LDB2: variants seen among roughly 807,000 people sequenced by gnomAD.
LDB2 encodes the protein LIM domain-binding protein 2.
LDB2 carries 12 observed loss-of-function variants against 44.3 expected under a neutral mutation model. The ratio of observed to expected loss-of-function variants is 0.27; its 90% CI spans 0.17 to 0.44. LDB2 has a LOEUF of 0.44. LDB2 is among the 20% of genes least tolerant of loss of function. The probability of loss-of-function intolerance (pLI) is 1.00; values close to 1 mark genes in which losing one functional copy is unlikely to be tolerated. For missense variants in LDB2, 344 were observed against 473.5 expected (o/e 0.73, Z 2.54); for synonymous variants, 164 against 174.8 (o/e 0.94, Z 0.49).
At chr4:16,522,878 C>T (rs1376945921) in intron 5 of LDB2, among the ~76,000 whole-genome samples, 1 of 152,186 alleles carries the variant, frequency 6.6e-6, no homozygotes, top group East Asian at 1.9e-4. Flanking sequence ...GGAAATACAC[C>T]ACAATCATTA....
chr4:16,598,270 G>C (rs1368999874), intron 2 of LDB2, among the ~76,000 whole-genome samples: 3 of 152,188 alleles, frequency 2.0e-5, no homozygotes, highest in African/African-American at 7.2e-5. Context: ...TTGTTCTCAG[G>C]AAGAAGTCAG....
chr4:16,737,497 T>C (rs950036111), intron 2 of LDB2, among the ~76,000 whole-genome samples: 1 of 152,198 alleles, frequency 6.6e-6, no homozygotes, highest in Non-Finnish European at 1.5e-5. Flanking sequence ...AATGACAGGA[T>C]GTTCATTAAG....
intron 5 of LDB2, among the ~76,000 whole-genome samples, chr4:16,546,789 G>C (rs1577568613): frequency 6.6e-6 from 1 of 152,158 alleles, no homozygotes; most frequent in East Asian, 1.9e-4. Flanking sequence ...CTCCTTCTTG[G>C]GTTTCTAGCT....
chr4:16,795,134 T>G (rs1195171311), intron 1 of LDB2, among the ~76,000 whole-genome samples: 1 of 152,010 alleles, frequency 6.6e-6, no homozygotes, highest in Non-Finnish European at 1.5e-5. Context: ...CACATAACCT[T>G]TACCCAAGAC....
chr4:16,855,811 T>G (rs1160207441), intron 1 of LDB2, among the ~76,000 whole-genome samples: 1 of 152,150 alleles, frequency 6.6e-6, no homozygotes, highest in Non-Finnish European at 1.5e-5. Flanking sequence ...TACGCAAAAC[T>G]AAGTGAACTA....
intron 1 of LDB2, among the ~76,000 whole-genome samples, chr4:16,844,762 CACA>C (rs954433997): frequency 3.9e-5 from 6 of 152,290 alleles, no homozygotes; most frequent in African/African-American, 1.4e-4. Context: ...TGATTTTCCT[CACA>C]ACATTAGCAC....
chr4:16,518,487 T>G (rs201149292), intron 5 of LDB2, among the ~76,000 whole-genome samples: 2 of 152,004 alleles, frequency 1.3e-5, no homozygotes, highest in African/African-American at 2.4e-5. Flanking sequence ...TTGTGTTGTT[T>G]TTTTTTTCGC....
intron 1 of LDB2, among the ~76,000 whole-genome samples, chr4:16,849,731 A>C (rs1787808628): frequency 6.6e-6 from 1 of 152,202 alleles, no homozygotes; most frequent in Non-Finnish European, 1.5e-5. Flanking sequence ...TCAAGAACAC[A>C]TGGGCATTTG....
chr4:16,722,917 C>A (rs1420014140), intron 2 of LDB2, among the ~76,000 whole-genome samples: 3 of 152,130 alleles, frequency 2.0e-5, no homozygotes, highest in Admixed American at 6.5e-5. Context: ...GAAAGCAATA[C>A]ATATTTAGCA....
In LDB2 at chr4:16,812,582, TTATATATA is replaced by T. The variant is rs6148319; in HGVS notation, c.133-53330_133-53323del. 5.8e-3 allele frequency among the ~76,000 whole-genome samples: 665 copies of T among 115,470 alleles called. 4 individuals are homozygous for T. The highest frequency in any genetic ancestry group is 8.7e-3 in the South Asian group (29 of 3,338). The allele number at this position is 115,470 out of a possible 152,430, so 75.8% of individuals were successfully genotyped here. On this transcript the variant is annotated intron_variant, in intron 1 of 7. Transcript: ENST00000304523. ...ATACTTGAGGCTGGAATCAATGAAA[TTATATATA>T]TATATATATATATATATATATATAT...
intron 1 of LDB2, among the ~76,000 whole-genome samples, chr4:16,889,890 TAGGAAG>T (rs1420056069): frequency 6.6e-6 from 1 of 152,226 alleles, no homozygotes; most frequent in African/African-American, 2.4e-5. Flanking sequence ...AAGGGCTCTC[TAGGAAG>T]AGAACATTTA....
At chr4:16,586,986 T>A (rs534860346) in intron 4 of LDB2, among the ~76,000 whole-genome samples, 35 of 152,274 alleles carry the variant, frequency 2.3e-4, no homozygotes, top group African/African-American at 5.8e-4. Flanking sequence ...TATATATAAA[T>A]AAAAAATGCA....
chr4:16,821,746 C>CAAAAAAAAGAAAAAAAAA (rs1782084914), intron 1 of LDB2, among the ~76,000 whole-genome samples: 1 of 61,752 alleles, frequency 1.6e-5, no homozygotes. Context: ...AACATTAAAG[C>CAAAAAAAAGAAAAAAAAA]AAAAAAAAAA....
chr4:16,692,175 G>GT (rs1489962749), intron 2 of LDB2, among the ~76,000 whole-genome samples: 2 of 152,148 alleles, frequency 1.3e-5, no homozygotes, highest in Non-Finnish European at 2.9e-5. Context: ...AATCATGTGA[G>GT]TATTAGGACA....
intron 2 of LDB2, among the ~76,000 whole-genome samples, chr4:16,721,563 T>C (rs1758286872): frequency 6.6e-6 from 1 of 152,110 alleles, no homozygotes; most frequent in Non-Finnish European, 1.5e-5. Context: ...AAAATTCAGA[T>C]CATCCAACAA....
intron 5 of LDB2, among the ~76,000 whole-genome samples, chr4:16,525,299 C>A (rs993279883): frequency 2.0e-5 from 3 of 152,202 alleles, no homozygotes; most frequent in African/African-American, 7.2e-5. Flanking sequence ...GCATTTAGAA[C>A]AGCTGTCTTC....
chr4:16,531,185 C>T (rs926747523), intron 5 of LDB2, among the ~76,000 whole-genome samples: 16 of 152,312 alleles, frequency 1.1e-4, no homozygotes, highest in Middle Eastern at 3.4e-3. Context: ...CTTCCCACTA[C>T]GCTCTACTAT....
At chr4:16,598,646 A>T (rs138621933) in intron 2 of LDB2, among the ~76,000 whole-genome samples, 11 of 152,302 alleles carry the variant, frequency 7.2e-5, no homozygotes, top group African/African-American at 2.4e-4. Flanking sequence ...CACGCTAGCC[A>T]CAAGTTAGTC....
chr4:16,710,308 AATAC>A, intron 2 of LDB2, among the ~76,000 whole-genome samples: 1 of 152,348 alleles, frequency 6.6e-6, no homozygotes, highest in South Asian at 2.1e-4. Flanking sequence ...GATGGCCATG[AATAC>A]ATACAGTCTG....
Sources: gnomAD v4.1 joint callset for allele counts (sites outside exome capture counted in the v4.1 genomes callset) on GRCh38, gnomAD v4.1.1 for gene constraint, MANE v1.5 for transcripts, NCBI Gene and HGNC (gene_info 2026-07-23, HGNC 2026-07-21) for gene names.